MAP4K3: variants seen among roughly 807,000 people sequenced by gnomAD.
MAP4K3 encodes the protein mitogen-activated protein kinase kinase kinase kinase 3, also known as MAPK/ERK kinase kinase kinase 3.
A neutral mutation model predicts 143.5 loss-of-function variants in MAP4K3; 94 were observed. The observed-to-expected ratio is 0.65, with a 90% CI of 0.55 to 0.78. The LOEUF (loss-of-function observed/expected upper bound fraction) is 0.78, where lower values mean the gene tolerates loss of function less well. Among genes scored for constraint, MAP4K3 ranks in the 30% least tolerant of loss-of-function variants. MAP4K3 has a pLI of 0.00. For missense variants in MAP4K3, 1,077 were observed against 1,068.1 expected, an observed-to-expected ratio of 1.01 and a Z score of -0.12; for synonymous variants, 416 against 347.2, an observed-to-expected ratio of 1.20 and a Z score of -2.20.
At chr2:39,279,770 A>C (rs1308840212) in intron 23 of MAP4K3, among the ~76,000 whole-genome samples, 1 of 152,092 alleles carries the variant, frequency 6.6e-6, no homozygotes, top group Non-Finnish European at 1.5e-5. Context: ...GAACACAGAC[A>C]GCTCCCATCT....
chr2:39,435,657 C>A (rs991617955), intron 1 of MAP4K3, among the ~76,000 whole-genome samples: 2 of 152,130 alleles, frequency 1.3e-5, no homozygotes, highest in African/African-American at 4.8e-5. Context: ...TAATACTGTC[C>A]TTGTCCAAAA....
chr2:39,349,382 G>A (rs1665384942), intron 3 of MAP4K3, among the ~76,000 whole-genome samples: 1 of 152,034 alleles, frequency 6.6e-6, no homozygotes, highest in Non-Finnish European at 1.5e-5. Context: ...CTGTACTCAG[G>A]GGGATACAAG....
chr2:39,325,762 T>C lies in MAP4K3; in HGVS notation c.775A>G (p.Lys259Glu). ...AATTTTTCAGCAGTAGGTCTTTTTTTCGGATTTTTGGTAAGTGCCATTTTC... is the reference window on the plus strand; with the variant it reads ...AATTTTTCAGCAGTAGGTCTTTTTTCCGGATTTTTGGTAAGTGCCATTTTC... Reference protein sequence around the residue: ...FVKMALTKNPKKRPTAEKLLQ... With the variant: ...FVKMALTKNPEKRPTAEKLLQ... Residue 259 changes from lysine to glutamate, a missense_variant, in exon 11 of 34, where the codon AAA (lysine) becomes GAA (glutamate). Coordinates refer to ENST00000263881, the MANE Select transcript of MAP4K3 (RefSeq NM_003618.4). The C allele has an allele frequency of 6.2e-7, 1 of 1,610,630 alleles. No homozygotes were observed. Among genetic ancestry groups the C allele is most frequent in the Non-Finnish European group, 8.5e-7 (1 of 1,178,692 alleles).
intron 31 of MAP4K3, 21 bp from the exon 32 acceptor site, chr2:39,254,541 A>G (rs1194468601): frequency 6.3e-7 from 1 of 1,589,450 alleles, no homozygotes; most frequent in Admixed American, 1.7e-5. Flanking sequence ...AGAACAGCTC[A>G]ATTACTGTTA....
At chr2:39,317,728 T>C (rs913718975) in intron 12 of MAP4K3, among the ~76,000 whole-genome samples, 1 of 152,164 alleles carries the variant, frequency 6.6e-6, no homozygotes, top group Admixed American at 6.5e-5. Context: ...CCAGCCAGAA[T>C]GGTTATTATT....
At position 39,378,106 on chromosome 2, in the gene MAP4K3, A is replaced by G. The variant is rs1219978833; in HGVS notation, c.114T>C (p.Thr38=). ...TTACTTTAATTGCTGCTAATTCACC[A>G]GTGTTAACATTCCGTGCCTAAAAGA... is the stretch of plus-strand genomic sequence containing the variant. ...GDVYKARNVN[T]GELAAIKVIK... Residue 38 remains threonine, a synonymous_variant, in exon 2 of 34, where the codon ACT becomes ACC. Coordinates refer to ENST00000263881, the MANE Select transcript of MAP4K3 (RefSeq NM_003618.4). The G allele has an allele frequency of 3.8e-6, 6 of 1,590,242 alleles. No homozygotes were observed. The highest frequency in any genetic ancestry group is 5.1e-6 in the Non-Finnish European group (6 of 1,167,962).
At chr2:39,348,681 C>T in intron 3 of MAP4K3, among the ~76,000 whole-genome samples, 1 of 152,100 alleles carries the variant, frequency 6.6e-6, no homozygotes, top group East Asian at 1.9e-4. Context: ...TCAGTATTAA[C>T]ATCCTGATTC....
chr2:39,349,125 G>T (rs1369785436), intron 3 of MAP4K3, among the ~76,000 whole-genome samples: 1 of 152,124 alleles, frequency 6.6e-6, no homozygotes, highest in Non-Finnish European at 1.5e-5. Flanking sequence ...TTGTTGTCTT[G>T]CTGACCAAAG....
At chr2:39,355,927 TAC>T (rs1174573218) in intron 3 of MAP4K3, among the ~76,000 whole-genome samples, 2 of 152,208 alleles carry the variant, frequency 1.3e-5, no homozygotes, top group African/African-American at 4.8e-5. Flanking sequence ...CTCCTGACTC[TAC>T]ACTGACCTAA....
At chr2:39,355,115 G>A (rs560053573) in intron 3 of MAP4K3, among the ~76,000 whole-genome samples, 29 of 152,074 alleles carry the variant, frequency 1.9e-4, no homozygotes, top group Non-Finnish European at 3.4e-4. Context: ...CTGTAATCCC[G>A]GCACTATGGG....
intron 15 of MAP4K3, among the ~76,000 whole-genome samples, chr2:39,300,153 T>C (rs1298046816): frequency 6.6e-6 from 1 of 152,168 alleles, no homozygotes; most frequent in Non-Finnish European, 1.5e-5. Flanking sequence ...GAGAAGTGAA[T>C]ATGTGACAAA....
At chr2:39,391,873 G>A (rs1666670677) in intron 1 of MAP4K3, among the ~76,000 whole-genome samples, 1 of 151,912 alleles carries the variant, frequency 6.6e-6, no homozygotes, top group South Asian at 2.1e-4. Flanking sequence ...AAAGTCTCCT[G>A]GACATCACTG....
rs553058425 is a variant in MAP4K3 at position 39,427,378 on chromosome 2, C to G, written c.96+9514G>C. On this transcript the variant is annotated intron_variant, in intron 1 of 33. Coordinates refer to ENST00000263881, the MANE Select transcript of MAP4K3 (RefSeq NM_003618.4). ...AGCTTCAAGATTAAAGAAATCTGAA[C>G]CCAGAATGAAGGAATATAAGGCCAA... Among the ~76,000 whole-genome samples, 7 of 151,914 alleles carry G rather than the reference C, an allele frequency of 4.6e-5. No homozygotes were observed. The South Asian group carries it at 8.3e-4, about 18-fold the overall frequency.
chr2:39,289,349 G>A (rs966532112), intron 19 of MAP4K3, among the ~76,000 whole-genome samples: 5 of 151,926 alleles, frequency 3.3e-5, no homozygotes, highest in Admixed American at 6.6e-5. Context: ...GTAATAAACC[G>A]AATGACAAGA....
intron 8 of MAP4K3, among the ~76,000 whole-genome samples, chr2:39,326,943 G>A (rs1005096907): frequency 6.6e-6 from 1 of 152,120 alleles, no homozygotes; most frequent in African/African-American, 2.4e-5. Flanking sequence ...AATACTGTGA[G>A]TCAATCAAAC....
At chr2:39,336,069 G>C (rs1024539835) in intron 6 of MAP4K3, among the ~76,000 whole-genome samples, 11 of 152,170 alleles carry the variant, frequency 7.2e-5, no homozygotes, top group Non-Finnish European at 1.2e-4. Flanking sequence ...GGAGATGGCA[G>C]TATCTTTAGA....
chr2:39,363,992 T>TACAA (rs1553418650), intron 2 of MAP4K3, among the ~76,000 whole-genome samples: 3 of 129,158 alleles, frequency 2.3e-5, no homozygotes, highest in African/African-American at 9.2e-5. Context: ...ATAGCCATTA[T>TACAA]AAAAAAAAAA....
intron 2 of MAP4K3, among the ~76,000 whole-genome samples, chr2:39,368,035 T>C (rs1665971793): frequency 6.6e-6 from 1 of 152,148 alleles, no homozygotes; most frequent in South Asian, 2.1e-4. Flanking sequence ...TTGGTCTCCT[T>C]TTCTTACCTG....
At chr2:39,265,929 A>G (rs1016077661) in intron 27 of MAP4K3, among the ~76,000 whole-genome samples, 26 of 152,162 alleles carry the variant, frequency 1.7e-4, no homozygotes, top group African/African-American at 6.3e-4. Context: ...TGTGAAGTAA[A>G]TATATTTGGA....
Sources: gnomAD v4.1 joint callset for allele counts (sites outside exome capture counted in the v4.1 genomes callset) on GRCh38, gnomAD v4.1.1 for gene constraint, MANE v1.5 for transcripts, NCBI Gene and HGNC (gene_info 2026-07-23, HGNC 2026-07-21) for gene names.